The following SYCP1 variants were observed in gnomAD, a reference collection of about 807,000 sequenced individuals.
The protein encoded by SYCP1 is synaptonemal complex protein 1.
In SYCP1, 64 loss-of-function variants were observed where a neutral mutation model predicts 153.1. The observed-to-expected ratio is 0.42, with a 90% CI of 0.34 to 0.51. SYCP1 has a LOEUF of 0.51. Among genes scored for constraint, SYCP1 ranks in the 20% least tolerant of loss-of-function variants. SYCP1 has a pLI of 0.06. For missense variants in SYCP1, 997 were observed against 1,049.0 expected, an observed-to-expected ratio of 0.95 and a Z score of 0.68; for synonymous variants, 384 against 341.8, an observed-to-expected ratio of 1.12 and a Z score of -1.36.
In SYCP1 at chr1:114,858,667, A is replaced by C. The variant is rs781567716; in HGVS notation, c.412A>C (p.Arg138=). 1.2e-6 allele frequency: 2 copies of C among 1,612,440 alleles called. No individual in the cohort carries two copies. The highest frequency in any genetic ancestry group is 1.7e-5 in the Admixed American group (1 of 59,656). ...RQKESKLQEN[R]KIIEAQRKAI... Reference sequence around the variant, plus strand: ...GAAAGAAAGTAAGTTGCAAGAAAACAGAAAGATAATTGAAGCACAGCGAAA... The same window carrying C: ...GAAAGAAAGTAAGTTGCAAGAAAACCGAAAGATAATTGAAGCACAGCGAAA... The change falls in exon 6 of 32, where the codon AGA becomes CGA. Residue 138 remains arginine, a synonymous_variant. Coordinates refer to ENST00000369522, the MANE Select transcript of SYCP1 (RefSeq NM_003176.4).
chr1:114,918,325 C>T (rs1668643452), intron 20 of SYCP1, among the ~76,000 whole-genome samples: 1 of 151,982 alleles, frequency 6.6e-6, no homozygotes. Flanking sequence ...TTTGTGAGTT[C>T]TCTGTTCTGT....
chr1:114,860,911 T>C (rs114311277), intron 8 of SYCP1, 102 bp downstream of exon 8: 8,781 of 778,230 alleles, frequency 0.011, 63 homozygotes, highest in Non-Finnish European at 0.015. Context: ...CCAATTTGAT[T>C]TGAACAAATT....
chr1:114,875,194 G>GTC (rs1665425193), intron 9 of SYCP1, among the ~76,000 whole-genome samples: 1 of 151,230 alleles, frequency 6.6e-6, no homozygotes, highest in Admixed American at 6.6e-5. Flanking sequence ...GTGTGTGTGT[G>GTC]TGTGTGTGTA....
rs767125007 is a variant in SYCP1 at position 114,886,164 on chromosome 1, A to G, written c.1045A>G (p.Thr349Ala). 1.9e-5 allele frequency: 31 copies of G among 1,610,420 alleles called. No homozygotes were observed. In the East Asian group the frequency reaches 4.2e-4, roughly 22 times the overall value. The change falls in exon 14 of 32, where the codon ACA (threonine) becomes GCA (alanine). Residue 349 changes from threonine (T) to alanine (A), a missense_variant. Transcript: ENST00000369522. ...TTTAGAGGAAGATTTACAGATAGCA[A>G]CAAAAACAATTTGTCAGCTAACTGA... ...KALEEDLQIA[T>A]KTICQLTEEK...
intron 27 of SYCP1, among the ~76,000 whole-genome samples, chr1:114,969,850 A>T (rs1276903686): frequency 6.6e-6 from 1 of 152,138 alleles, no homozygotes; most frequent in African/African-American, 2.4e-5. Flanking sequence ...GCCAGGTAGC[A>T]CCATCCCTCA....
At chr1:114,959,258 A>G (rs1316130732) in intron 27 of SYCP1, among the ~76,000 whole-genome samples, 2 of 152,080 alleles carry the variant, frequency 1.3e-5, no homozygotes, top group African/African-American at 4.8e-5. Flanking sequence ...AATATTATGT[A>G]TTACAGTAAT....
intron 14 of SYCP1, 132 bp downstream of exon 14, chr1:114,886,441 G>T (rs957772400): frequency 1.4e-6 from 1 of 698,192 alleles, no homozygotes; most frequent in Non-Finnish European, 2.1e-6. Flanking sequence ...CAGGTCTCAT[G>T]TATAAAGTGG....
intron 27 of SYCP1, among the ~76,000 whole-genome samples, chr1:114,964,293 A>T (rs552977032): frequency 1.2e-3 from 185 of 152,246 alleles, no homozygotes; most frequent in Non-Finnish European, 2.0e-3. Flanking sequence ...AGATGGATAG[A>T]TTGCAAAAAT....
intron 27 of SYCP1, among the ~76,000 whole-genome samples, chr1:114,954,995 A>C (rs1671347518): frequency 6.6e-6 from 1 of 152,202 alleles, no homozygotes; most frequent in Admixed American, 6.5e-5. Context: ...TAGGGAGAAA[A>C]GCATTCAATT....
At chr1:114,923,400 A>T (rs1466333722) in intron 20 of SYCP1, 49 bp from the exon 21 acceptor site, 23 of 1,458,448 alleles carry the variant, frequency 1.6e-5, no homozygotes, top group Admixed American at 2.2e-5. Context: ...GAGATCTTCT[A>T]TAGGCCTAAT....
intron 26 of SYCP1, among the ~76,000 whole-genome samples, 189 bp from the exon 27 acceptor site, chr1:114,947,057 T>G (rs1670756005): frequency 1.3e-5 from 2 of 152,094 alleles, no homozygotes; most frequent in Non-Finnish European, 2.9e-5. Context: ...CCCAAAAACT[T>G]GTTTAAATGA....
intron 30 of SYCP1, 62 bp downstream of exon 30, chr1:114,984,930 C>G: frequency 1.2e-6 from 1 of 836,406 alleles, no homozygotes; most frequent in Non-Finnish European, 1.6e-6. Flanking sequence ...TACTATTTTC[C>G]TTGATATACA....
rs570939301 is a variant in SYCP1, at chr1:114,874,199, G to C, written c.599-307G>C. ...TGTGTTTGCCTGTCTCTCCAATTTT[G>C]GGGTAGTAGTTTGCCCTGCGACTTT... is the stretch of plus-strand genomic sequence containing the variant. On this transcript the variant is annotated intron_variant, in intron 8 of 31. Coordinates refer to ENST00000369522, the MANE Select transcript of SYCP1 (RefSeq NM_003176.4). 2.0e-5 allele frequency among the ~76,000 whole-genome samples: 3 copies of C among 152,248 alleles called. No individual in the cohort carries two copies. In the South Asian group the frequency reaches 6.2e-4, roughly 32 times the overall value.
At chr1:114,992,057 A>T (rs1673960716) in intron 30 of SYCP1, among the ~76,000 whole-genome samples, 1 of 151,878 alleles carries the variant, frequency 6.6e-6, no homozygotes, top group African/African-American at 2.4e-5. Flanking sequence ...TCACAATAGC[A>T]TCTAAAAGAA....
intron 23 of SYCP1, among the ~76,000 whole-genome samples, chr1:114,942,666 A>G: frequency 6.6e-6 from 1 of 152,020 alleles, no homozygotes; most frequent in Non-Finnish European, 1.5e-5. Context: ...TCTACACTAC[A>G]TACAAACACA....
At chr1:114,890,317 A>G (rs1221576904) in intron 15 of SYCP1, among the ~76,000 whole-genome samples, 2 of 151,650 alleles carry the variant, frequency 1.3e-5, no homozygotes, top group Non-Finnish European at 2.9e-5. Flanking sequence ...ATTTATTTTT[A>G]TGTTTTAAAT....
chr1:114,979,937 A>G (rs909372488), intron 28 of SYCP1, among the ~76,000 whole-genome samples: 6 of 151,802 alleles, frequency 4.0e-5, no homozygotes, highest in Admixed American at 2.6e-4. Flanking sequence ...TCTTTATCCT[A>G]TACTCTAATT....
intron 27 of SYCP1, among the ~76,000 whole-genome samples, chr1:114,956,139 C>T (rs1000256642): frequency 7.9e-5 from 12 of 152,174 alleles, no homozygotes; most frequent in African/African-American, 2.7e-4. Flanking sequence ...GGATCACCAA[C>T]CTCTTTCCTT....
chr1:114,975,181 A>G (rs1672730991), intron 27 of SYCP1, among the ~76,000 whole-genome samples: 1 of 151,718 alleles, frequency 6.6e-6, no homozygotes, highest in East Asian at 1.9e-4. Context: ...GTTAATAATA[A>G]TTTTAATCCA....
Sources: allele counts gnomAD v4.1 joint callset (sites outside exome capture counted in the v4.1 genomes callset), GRCh38; gene constraint gnomAD v4.1.1; transcripts MANE v1.5; gene names NCBI Gene and HGNC (gene_info 2026-07-23, HGNC 2026-07-21).